PDE1A: variants seen among roughly 807,000 people sequenced by gnomAD.
PDE1A encodes phosphodiesterase 1A.
PDE1A carries 35 observed loss-of-function variants against 61.7 expected under a neutral mutation model. The ratio of observed to expected loss-of-function variants is 0.57; its 90% CI spans 0.43 to 0.75. The LOEUF is 0.75. Ranked by LOEUF, PDE1A falls within the 30% of genes least tolerant of loss-of-function variation. The pLI, the probability that PDE1A is intolerant of heterozygous loss-of-function variation, is 0.00. For missense variants in PDE1A, 597 were observed against 630.6 expected (o/e 0.95, Z 0.57); for synonymous variants, 232 against 213.2 (o/e 1.09, Z -0.77).
At chr2:182,432,154 T>A (rs1703983164) in intron 2 of PDE1A, among the ~76,000 whole-genome samples, 1 of 152,110 alleles carries the variant, frequency 6.6e-6, no homozygotes, top group South Asian at 2.1e-4. Context: ...CTAATCAAAC[T>A]AAGAGGTTGG....
chr2:182,201,529 A>G (rs1438904248), exon 10 of PDE1A: 1 of 1,613,830 alleles, frequency 6.2e-7, no homozygotes, highest in Non-Finnish European at 8.5e-7. Flanking sequence ...CTGCGTGGAG[A>G]ATCAGGGACA....
chr2:182,439,489 G>A (rs1684654146), intron 2 of PDE1A, among the ~76,000 whole-genome samples: 1 of 151,984 alleles, frequency 6.6e-6, no homozygotes. Flanking sequence ...GTCAGGAGGA[G>A]AAGTTTGTCC....
At chr2:182,278,644 A>G (rs1693603062) in intron 1 of PDE1A, among the ~76,000 whole-genome samples, 1 of 151,970 alleles carries the variant, frequency 6.6e-6, no homozygotes, top group South Asian at 2.1e-4. Flanking sequence ...ATACTTATCA[A>G]CACTAAAAAT....
At chr2:182,631,720 A>C in the PDE1A span, among the ~76,000 whole-genome samples, 1 of 152,256 alleles carries the variant, frequency 6.6e-6, no homozygotes, top group Non-Finnish European at 1.5e-5. Context: ...ACTGTATATT[A>C]GACAAATAAA....
intron 13 of PDE1A, among the ~76,000 whole-genome samples, chr2:182,175,636 C>T (rs1692683663): frequency 1.3e-5 from 1 of 79,750 alleles, no homozygotes; most frequent in Non-Finnish European, 2.5e-5. Context: ...TTGTAGGTTG[C>T]CTGTTCACTC....
the PDE1A span, among the ~76,000 whole-genome samples, chr2:182,570,955 C>T: frequency 6.6e-6 from 1 of 152,158 alleles, no homozygotes; most frequent in Admixed American, 6.5e-5. Flanking sequence ...ATAATTGTAC[C>T]TAGCTCATTG....
Position 182,210,140 on chromosome 2 carries a change from T to A in PDE1A, c.777-4075A>T, listed in dbSNP as rs989794878. ...AGTTTTTGTGTGAATGTGTTTGTAA[T>A]TTTTTTGAGTAAATACCAAGGAGTG... is the stretch of plus-strand genomic sequence containing the variant. On this transcript the variant is annotated intron_variant, in intron 7 of 13. Transcript: ENST00000351439. Among the ~76,000 whole-genome samples the A allele has an allele frequency of 1.7e-4, 26 of 152,202 alleles. 1 individual carries two copies. The highest frequency in any genetic ancestry group is 1.2e-3 in the Admixed American group (19 of 15,282).
intron 1 of PDE1A, among the ~76,000 whole-genome samples, chr2:182,271,073 G>A (rs1439700820): frequency 6.7e-6 from 1 of 149,692 alleles, no homozygotes; most frequent in Non-Finnish European, 1.5e-5. Flanking sequence ...TGAACACAAT[G>A]AAAACAAACG....
chr2:182,387,282 G>T (rs1364813253), intron 1 of PDE1A, among the ~76,000 whole-genome samples: 4 of 152,136 alleles, frequency 2.6e-5, no homozygotes, highest in Middle Eastern at 3.2e-3. Flanking sequence ...AAACACTGCG[G>T]AAGGCTGCAG....
At chr2:182,482,414 AAAAG>A (rs1359509764) in intron 2 of PDE1A, among the ~76,000 whole-genome samples, 1 of 151,972 alleles carries the variant, frequency 6.6e-6, no homozygotes, top group Non-Finnish European at 1.5e-5. Context: ...ATTTGTCAAA[AAAAG>A]AAAGCCCACA....
chr2:182,585,971 C>T, the PDE1A span, among the ~76,000 whole-genome samples: 1 of 152,048 alleles, frequency 6.6e-6, no homozygotes, highest in African/African-American at 2.4e-5. Flanking sequence ...CATGCTTGAC[C>T]ATGTGTAAAC....
Position 182,396,825 on chromosome 2 carries a change from T to C in PDE1A, c.53+29753A>G, listed in dbSNP as rs1033122652. On this transcript the variant is annotated intron_variant, in intron 1 of 13. Coordinates refer to ENST00000351439, the Ensembl canonical transcript of PDE1A. The stretch of plus-strand genomic sequence containing the variant: ...TTCAGGAGATGTATATGGGTTTAAG[T>C]TGACAAGGGGTGGACTTATGATAGT... Among the ~76,000 whole-genome samples, 9 of 152,300 alleles carry C rather than the reference T, an allele frequency of 5.9e-5. No individual in the cohort carries two copies. The South Asian group carries it at 1.0e-3, about 18-fold the overall frequency.
chr2:182,430,155 C>T (rs989845395), upstream of PDE1A, among the ~76,000 whole-genome samples: 1 of 151,780 alleles, frequency 6.6e-6, no homozygotes, highest in Middle Eastern at 3.4e-3. Context: ...AAACTACCAT[C>T]AGAGTGAACA....
At chr2:182,313,822 T>C (rs1366601075) in intron 1 of PDE1A, among the ~76,000 whole-genome samples, 2 of 152,180 alleles carry the variant, frequency 1.3e-5, no homozygotes, top group Non-Finnish European at 2.9e-5. Flanking sequence ...ACTTGAGTAA[T>C]CATCAGTTAT....
chr2:182,321,288 A>C (rs1278838303), intron 1 of PDE1A, among the ~76,000 whole-genome samples: 1 of 152,160 alleles, frequency 6.6e-6, no homozygotes, highest in South Asian at 2.1e-4. Flanking sequence ...TTCAATTGGC[A>C]TACTTCTCTA....
the PDE1A span, among the ~76,000 whole-genome samples, chr2:182,552,449 T>G: frequency 3.4e-5 from 5 of 146,870 alleles, no homozygotes; most frequent in Non-Finnish European, 4.6e-5. Context: ...GTTTTTTTTT[T>G]TTTTTTTTTT....
chr2:182,441,565 G>C (rs755700692), intron 2 of PDE1A, among the ~76,000 whole-genome samples: 8 of 151,912 alleles, frequency 5.3e-5, no homozygotes, highest in Non-Finnish European at 1.0e-4. Flanking sequence ...AGTGAGAGGA[G>C]CAAGAAACAA....
rs1685475231 is a variant in PDE1A at position 182,189,005 on chromosome 2, G to C, written c.1181C>G (p.Ser394Ter). Reference sequence around the variant, plus strand: ...TATTTGTGACTGGGCCACCATGGTTGACTTCCGATCACAAAGTGGGGAAAA... The same window carrying C: ...TATTTGTGACTGGGCCACCATGGTTCACTTCCGATCACAAAGTGGGGAAAA... Residue 394 changes from serine to a stop codon, truncating the protein, a stop_gained, in exon 11 of 14, where the codon TCA (serine) becomes TGA (stop). Transcript: ENST00000351439. LOFTEE classifies it high-confidence loss of function. 1 of 1,612,914 alleles carries C rather than the reference G, an allele frequency of 6.2e-7. No individual in the cohort carries two copies. Among genetic ancestry groups the C allele is most frequent in the Non-Finnish European group, 8.5e-7 (1 of 1,179,154 alleles).
the PDE1A span, among the ~76,000 whole-genome samples, chr2:182,571,913 C>T: frequency 6.6e-6 from 1 of 152,148 alleles, no homozygotes; most frequent in Non-Finnish European, 1.5e-5. Context: ...ACTCTATGTT[C>T]ACTTCCTAAG....
Sources: gnomAD v4.1 joint callset for allele counts (sites outside exome capture counted in the v4.1 genomes callset) on GRCh38, gnomAD v4.1.1 for gene constraint, MANE v1.5 for transcripts, NCBI Gene and HGNC (gene_info 2026-07-23, HGNC 2026-07-21) for gene names.